WDR76: variants seen among roughly 807,000 people sequenced by gnomAD.
The protein encoded by WDR76 is WD repeat-containing protein 76.
WDR76 carries 52 observed loss-of-function variants against 70.2 expected under a neutral mutation model. That is an observed-to-expected ratio of 0.74 (90% CI 0.59 to 0.93). The LOEUF (loss-of-function observed/expected upper bound fraction) is 0.93. Ranked by LOEUF, WDR76 falls within the 40% of genes least tolerant of loss-of-function variation. The pLI is 0.00. For missense variants in WDR76, 756 were observed against 760.2 expected, an observed-to-expected ratio of 0.99 and a Z score of 0.07; for synonymous variants, 292 against 271.1, an observed-to-expected ratio of 1.08 and a Z score of -0.76.
At chr15:43,847,780 C>A (rs1409197248) in intron 8 of WDR76, among the ~76,000 whole-genome samples, 1 of 152,122 alleles carries the variant, frequency 6.6e-6, no homozygotes, top group East Asian at 1.9e-4. Flanking sequence ...TGATCTGGAA[C>A]TCCTGACCTC....
intron 2 of WDR76, among the ~76,000 whole-genome samples, chr15:43,834,545 C>T (rs1204484319): frequency 6.6e-6 from 1 of 151,366 alleles, no homozygotes; most frequent in African/African-American, 2.4e-5. Context: ...CTCCTGACTT[C>T]AGGTGATCTG....
chr15:43,832,789 G>A (rs1412531696), intron 2 of WDR76, among the ~76,000 whole-genome samples: 2 of 108,852 alleles, frequency 1.8e-5, no homozygotes, highest in Admixed American at 1.5e-4. Context: ...CTCGGCTCTT[G>A]CCCTGGCAGC....
In WDR76 at chr15:43,851,155, C is replaced by T; in HGVS notation, c.1101C>T (p.Tyr367=). 1 of 1,614,162 alleles carries T rather than the reference C, an allele frequency of 6.2e-7. No individual in the cohort carries two copies. Among genetic ancestry groups the T allele is most frequent in the Non-Finnish European group, 8.5e-7 (1 of 1,180,020 alleles). ...ATAGTCAGCCAGTTAGCTGTCTTTA[C>T]TTCTCACCCGCCAATCCGGCCCACA... ...HPHSQPVSCL[Y]FSPANPAHIL... The change falls in exon 9 of 13, where the codon TAC becomes TAT. Residue 367 remains tyrosine, a synonymous_variant. Coordinates refer to ENST00000263795, the MANE Select transcript of WDR76 (RefSeq NM_024908.4).
intron 10 of WDR76, among the ~76,000 whole-genome samples, chr15:43,857,810 C>T (rs1255550288): frequency 4.0e-5 from 5 of 125,210 alleles, no homozygotes; most frequent in Non-Finnish European, 1.6e-5. Context: ...CAGAGCGAGA[C>T]TCTTGTCTCC....
intron 9 of WDR76, among the ~76,000 whole-genome samples, 170 bp from the exon 10 acceptor site, chr15:43,856,776 A>G (rs1347378716): frequency 6.6e-6 from 1 of 152,092 alleles, no homozygotes; most frequent in Non-Finnish European, 1.5e-5. Context: ...TGGAACCCCA[A>G]ATACCCTGAC....
chr15:43,853,225 C>G (rs979671226), intron 9 of WDR76, among the ~76,000 whole-genome samples: 1 of 149,732 alleles, frequency 6.7e-6, no homozygotes, highest in Admixed American at 6.6e-5. Context: ...GGGTCTCACT[C>G]TGTCACTCCA....
chr15:43,828,093 G>T lies in WDR76; in HGVS notation c.189G>T (p.Gln63His), dbSNP rs536209217. Residue 63 changes from glutamine (Q) to histidine (H), a missense_variant, in exon 2 of 13, where the codon CAG (glutamine) becomes CAT (histidine). By Grantham distance (24) the Gln-to-His change is conservative (BLOSUM62 0). Transcript: ENST00000263795. ...CACTCAGTAATTACCAGCTAGACCA[G>T]CTTATGTGCCCCAAATCCCTATCAG... ...PFSLSNYQLD[Q>H]LMCPKSLSEK... 6.2e-7 allele frequency: 1 copy of T among 1,614,072 alleles called. No homozygotes were observed. The highest frequency in any genetic ancestry group is 8.5e-7 in the Non-Finnish European group (1 of 1,180,046).
At chr15:43,841,201 G>GTTT (rs910565504) in intron 5 of WDR76, among the ~76,000 whole-genome samples, 13 of 102,260 alleles carry the variant, frequency 1.3e-4, no homozygotes, top group South Asian at 3.2e-4. Context: ...TTGTTTTTTT[G>GTTT]TTTTTTTTTT....
intron 2 of WDR76, among the ~76,000 whole-genome samples, chr15:43,831,564 G>C (rs914084924): frequency 6.6e-6 from 1 of 151,900 alleles, no homozygotes; most frequent in African/African-American, 2.4e-5. Flanking sequence ...TCAGCGTCCC[G>C]AGTAGCTGGG....
At chr15:43,859,417 G>T (rs2087969745) in intron 11 of WDR76, among the ~76,000 whole-genome samples, 1 of 152,124 alleles carries the variant, frequency 6.6e-6, no homozygotes, top group African/African-American at 2.4e-5. Context: ...AAATTATTTT[G>T]TTCTCTTTTA....
intron 8 of WDR76, among the ~76,000 whole-genome samples, chr15:43,847,036 A>T (rs1333594093): frequency 6.6e-6 from 1 of 151,718 alleles, no homozygotes; most frequent in African/African-American, 2.4e-5. Context: ...AAAAAAAAAA[A>T]AAAAAAAAAA....
chr15:43,858,956 G>C, intron 11 of WDR76, 133 bp downstream of exon 11: 1 of 1,181,180 alleles, frequency 8.5e-7, no homozygotes, highest in South Asian at 1.6e-5. Context: ...TCATATGTAG[G>C]TTCCTAAAGA....
At chr15:43,856,702 A>G (rs2087931374) in intron 9 of WDR76, among the ~76,000 whole-genome samples, 1 of 152,076 alleles carries the variant, frequency 6.6e-6, no homozygotes, top group African/African-American at 2.4e-5. Flanking sequence ...GTATATTTTA[A>G]AATAGCCAGA....
intron 9 of WDR76, 57 bp from the exon 10 acceptor site, chr15:43,856,888 CT>C (rs1174524775): frequency 6.8e-7 from 1 of 1,470,614 alleles, no homozygotes; most frequent in Non-Finnish European, 9.3e-7. Flanking sequence ...AGAATTTATG[CT>C]TTGGCTTTCT....
chr15:43,857,820 CAAAAAAAAAA>C (rs972013972), intron 10 of WDR76, among the ~76,000 whole-genome samples: 1 of 57,946 alleles, frequency 1.7e-5, no homozygotes, highest in Non-Finnish European at 3.2e-5. Flanking sequence ...CTCTTGTCTC[CAAAAAAAAAA>C]AAAAAAAAAA....
intron 8 of WDR76, among the ~76,000 whole-genome samples, chr15:43,845,555 G>A (rs530621247): frequency 3.3e-5 from 5 of 150,392 alleles, no homozygotes; most frequent in Admixed American, 1.3e-4. Context: ...AGGACTGTGA[G>A]AAATAAAATG....
chr15:43,847,891 A>G (rs1338826963), intron 8 of WDR76, among the ~76,000 whole-genome samples: 1 of 152,014 alleles, frequency 6.6e-6, no homozygotes, highest in Admixed American at 6.6e-5. Flanking sequence ...TAGTTGTTTA[A>G]TTATCATAGT....
rs758561866 is a variant in WDR76, at chr15:43,866,536, T to G, written c.*144T>G. 1 of 1,005,936 alleles carries G rather than the reference T, an allele frequency of 9.9e-7. No homozygotes were observed. The highest frequency in any genetic ancestry group is 2.6e-5 in the East Asian group (1 of 38,314). 62.3% of individuals were successfully genotyped at this position (1,005,936 alleles called of 1,614,324 possible). ...TTTATTAATAAGACTATAAGAAGAG[T>G]GTACTTTTAGTAAGGGAGAAGTCTT... On this transcript the variant is annotated 3_prime_UTR_variant, in exon 13 of 13. Transcript: ENST00000263795.
At position 43,839,585 on chromosome 15, in the gene WDR76, GT is replaced by G. The variant is rs2087697571; in HGVS notation, c.609-15del. Reference sequence around the variant, plus strand: ...TTATTGTTTTGTGAGTATAACATGAGTTTTTCCCCACTCCTTTAGAAAGAAG... The same window carrying G: ...TTATTGTTTTGTGAGTATAACATGAGTTTTCCCCACTCCTTTAGAAAGAAG... On this transcript the variant is annotated intron_variant, in intron 4 of 12. Transcript: ENST00000263795. 1 of 1,594,952 alleles carries G rather than the reference GT, an allele frequency of 6.3e-7. No individual in the cohort carries two copies. The highest frequency in any genetic ancestry group is 2.3e-5 in the East Asian group (1 of 44,412).
Sources: gnomAD v4.1 joint callset for allele counts (sites outside exome capture counted in the v4.1 genomes callset) on GRCh38, gnomAD v4.1.1 for gene constraint, MANE v1.5 for transcripts, NCBI Gene and HGNC (gene_info 2026-07-23, HGNC 2026-07-21) for gene names.